SIPA1L2: variants seen among roughly 807,000 people sequenced by gnomAD.
The protein encoded by SIPA1L2 is signal induced proliferation associated 1 like 2, also known as signal-induced proliferation-associated 1-like protein 2.
A neutral mutation model predicts 163.9 loss-of-function variants in SIPA1L2; 56 were observed. The observed-to-expected ratio is 0.34, with a 90% CI of 0.28 to 0.43. The LOEUF (loss-of-function observed/expected upper bound fraction) is 0.43. SIPA1L2 is among the 20% of genes least tolerant of loss of function. SIPA1L2 has a pLI of 1.00. For missense variants in SIPA1L2, 1,974 were observed against 2,193.5 expected, an observed-to-expected ratio of 0.90 and a Z score of 2.00; for synonymous variants, 877 against 865.7, an observed-to-expected ratio of 1.01 and a Z score of -0.23.
At chr1:232,483,711 T>A in intron 6 of SIPA1L2, 81 bp downstream of exon 6, 2 of 1,506,146 alleles carry the variant, frequency 1.3e-6, no homozygotes, top group Non-Finnish European at 1.8e-6. Flanking sequence ...CAGGAGGGCA[T>A]GTGATCACTT....
intron 1 of SIPA1L2, among the ~76,000 whole-genome samples, chr1:232,594,737 A>C (rs934593424): frequency 5.9e-5 from 9 of 152,078 alleles, no homozygotes; most frequent in African/African-American, 2.2e-4. Flanking sequence ...CTAGTCTCTA[A>C]ATTTCATATG....
rs139528144 is a variant in SIPA1L2 at position 232,398,428 on chromosome 1, T to C, written c.*699A>G. ...TGACTACTGACCACTCGGTGAGCCA[T>C]TTACAAGGCATATGTATCTTTTTTT... is the stretch of plus-strand genomic sequence containing the variant. On this transcript the variant is annotated 3_prime_UTR_variant, in exon 23 of 23. Coordinates refer to ENST00000674635, the MANE Select transcript of SIPA1L2 (RefSeq NM_020808.5). 1.3e-5 allele frequency: 2 copies of C among 152,710 alleles called. No individual in the cohort carries two copies. Among genetic ancestry groups the C allele is most frequent in the East Asian group, 3.9e-4 (2 of 5,176 alleles). 9.5% of individuals were successfully genotyped at this position (152,710 alleles called of 1,614,324 possible). A position where few individuals can be genotyped will look rare whatever the true frequency, so the allele number is the denominator to read the frequency against.
chr1:232,458,528 C>T (rs961372933), intron 10 of SIPA1L2, among the ~76,000 whole-genome samples: 8 of 152,140 alleles, frequency 5.3e-5, no homozygotes, highest in South Asian at 2.1e-4. Flanking sequence ...TTCTTACTAA[C>T]AGTAAACCAA....
At chr1:232,433,496 T>C (rs1662370509) in intron 15 of SIPA1L2, among the ~76,000 whole-genome samples, 2 of 152,142 alleles carry the variant, frequency 1.3e-5, no homozygotes, top group Admixed American at 1.3e-4. Flanking sequence ...CTTAACCTGG[T>C]GGTAGTTACA....
chr1:232,446,149 C>T (rs1001035654), intron 10 of SIPA1L2, among the ~76,000 whole-genome samples: 2 of 152,136 alleles, frequency 1.3e-5, no homozygotes, highest in African/African-American at 4.8e-5. Context: ...TTCCAAGACC[C>T]CCAATACACA....
intron 7 of SIPA1L2, among the ~76,000 whole-genome samples, chr1:232,479,341 C>A (rs1052642705): frequency 4.6e-5 from 7 of 152,158 alleles, no homozygotes; most frequent in Non-Finnish European, 7.3e-5. Flanking sequence ...TTGGCCTTTT[C>A]GTAATTAACA....
intron 2 of SIPA1L2, among the ~76,000 whole-genome samples, chr1:232,516,051 T>G (rs903562732): frequency 9.2e-5 from 14 of 152,246 alleles, no homozygotes; most frequent in African/African-American, 3.4e-4. Flanking sequence ...ATGAAGTATT[T>G]CAATGCATGA....
At chr1:232,525,850 C>CTG (rs1667680226) in intron 2 of SIPA1L2, among the ~76,000 whole-genome samples, 1 of 152,134 alleles carries the variant, frequency 6.6e-6, no homozygotes, top group Non-Finnish European at 1.5e-5. Flanking sequence ...TGAGTCTAAT[C>CTG]ACCACCTGAC....
At chr1:232,575,593 C>CA (rs1660036259) in intron 1 of SIPA1L2, among the ~76,000 whole-genome samples, 1 of 151,996 alleles carries the variant, frequency 6.6e-6, no homozygotes, top group African/African-American at 2.4e-5. Flanking sequence ...GTTTAAAAAT[C>CA]TGATGCATAA....
intron 2 of SIPA1L2, among the ~76,000 whole-genome samples, chr1:232,556,943 C>T (rs1304199827): frequency 1.3e-5 from 2 of 152,122 alleles, no homozygotes; most frequent in Non-Finnish European, 2.9e-5. Flanking sequence ...CCAGGAGACA[C>T]AGGCCAGCTC....
At position 232,402,488 on chromosome 1, in the gene SIPA1L2, T is replaced by C. The variant is rs17177525; in HGVS notation, c.4941-15A>G. ...GAGAACGCTCCCTAGCAAATAAGGA[T>C]AGAATTAGAAAGATTCAAGAGAGTC... On this transcript the variant is annotated splice_polypyrimidine_tract_variant and intron_variant, in intron 21 of 22. Coordinates refer to ENST00000674635, the MANE Select transcript of SIPA1L2 (RefSeq NM_020808.5). 1.2e-6 allele frequency: 2 copies of C among 1,603,066 alleles called. No homozygotes were observed. Among genetic ancestry groups the C allele is most frequent in the East Asian group, 4.5e-5 (2 of 44,748 alleles).
At chr1:232,412,544 G>A (rs1015075130) in intron 19 of SIPA1L2, among the ~76,000 whole-genome samples, 4 of 152,102 alleles carry the variant, frequency 2.6e-5, no homozygotes, top group African/African-American at 9.7e-5. Flanking sequence ...TTATGAGCAG[G>A]GCAACTGGGT....
intron 19 of SIPA1L2, among the ~76,000 whole-genome samples, chr1:232,406,630 A>C (rs931426872): frequency 3.3e-5 from 5 of 151,962 alleles, no homozygotes; most frequent in African/African-American, 1.2e-4. Flanking sequence ...TCAACATGTC[A>C]TGTCTGTTGA....
At chr1:232,597,542 T>G (rs1213704340) in intron 1 of SIPA1L2, among the ~76,000 whole-genome samples, 1 of 147,866 alleles carries the variant, frequency 6.8e-6, no homozygotes, top group Non-Finnish European at 1.5e-5. Context: ...AAAAAAAAAT[T>G]AGCCGGGCGT....
rs1558301983 is a variant in SIPA1L2, at chr1:232,608,064, A to AAAAAAAAAC, written c.-319+21804_-319+21805insGTTTTTTTT. 1.9e-4 allele frequency among the ~76,000 whole-genome samples: 28 copies of AAAAAAAAAC among 151,062 alleles called. 1 individual carries two copies. Among genetic ancestry groups the AAAAAAAAAC allele is most frequent in the Admixed American group, 1.5e-3 (22 of 15,170 alleles). ...CTCCATCTCAAAAAAAAAAAAAAAA[A>AAAAAAAAAC]AAAAACGAGTCTTACTCTGTCACCC... On this transcript the variant is annotated intron_variant, in intron 1 of 22. Transcript: ENST00000674635.
chr1:232,607,759 T>TAAAAA lies in SIPA1L2; in HGVS notation c.-319+22109_-319+22110insTTTTT, dbSNP rs775834153. 2.2e-4 allele frequency among the ~76,000 whole-genome samples: 32 copies of TAAAAA among 144,952 alleles called. No individual in the cohort carries two copies. In the East Asian group the frequency reaches 6.6e-3, roughly 30 times the overall value. On this transcript the variant is annotated intron_variant, in intron 1 of 22. Transcript: ENST00000674635. ...TTATTTCCCATATTTCACCTCTTTT[T>TAAAAA]TAAAAAAAAAAAAACGCCGGGCACA...
In SIPA1L2 at chr1:232,570,301, T is replaced by G. The variant is rs186599724; in HGVS notation, c.-270+3873A>C. Reference sequence around the variant, plus strand: ...TTAAGATGGTTAAGTGAACAAATCCTAACTTCGCCAATGGGAAAATGAGGG... The same window carrying G: ...TTAAGATGGTTAAGTGAACAAATCCGAACTTCGCCAATGGGAAAATGAGGG... On this transcript the variant is annotated intron_variant, in intron 2 of 22. Coordinates refer to ENST00000674635, the MANE Select transcript of SIPA1L2 (RefSeq NM_020808.5). 1.1e-4 allele frequency among the ~76,000 whole-genome samples: 16 copies of G among 152,304 alleles called. No individual in the cohort carries two copies. The East Asian group carries it at 1.4e-3, about 13-fold the overall frequency.
At chr1:232,541,853 TTAA>T (rs1465600244) in intron 2 of SIPA1L2, among the ~76,000 whole-genome samples, 1 of 43,560 alleles carries the variant, frequency 2.3e-5, no homozygotes, top group Non-Finnish European at 4.2e-5. Context: ...TCCTACAGAT[TTAA>T]AAAAAAAAAA....
At chr1:232,555,601 A>C (rs1440374001) in intron 2 of SIPA1L2, among the ~76,000 whole-genome samples, 1 of 152,248 alleles carries the variant, frequency 6.6e-6, no homozygotes, top group African/African-American at 2.4e-5. Context: ...AGGAAGCCTC[A>C]ACAGCCAAAT....
Sources: allele counts gnomAD v4.1 joint callset (sites outside exome capture counted in the v4.1 genomes callset), GRCh38; gene constraint gnomAD v4.1.1; transcripts MANE v1.5; gene names NCBI Gene and HGNC (gene_info 2026-07-23, HGNC 2026-07-21).